Variants in PCDHGC3 observed in about 807,000 individuals in gnomAD.
The protein encoded by PCDHGC3 is protocadherin gamma subfamily C, 3.
A neutral mutation model predicts 59.2 loss-of-function variants in PCDHGC3; 26 were observed. That is an observed-to-expected ratio of 0.44 (90% CI 0.32 to 0.61). The LOEUF is 0.61. Among genes scored for constraint, PCDHGC3 ranks in the 20% least tolerant of loss-of-function variants. The pLI is 0.05. For missense variants in PCDHGC3, 1,080 were observed against 1,221.8 expected (o/e 0.88, Z 1.73); for synonymous variants, 487 against 519.7 (o/e 0.94, Z 0.86).
In PCDHGC3 at chr5:141,485,031, C is replaced by A; in HGVS notation, c.2430+6485C>A. On this transcript the variant is annotated intron_variant, in intron 1 of 3. Coordinates refer to ENST00000308177, the MANE Select transcript of PCDHGC3 (RefSeq NM_002588.4). The surrounding 1 kb of genome is among the most constrained non-coding windows in gnomAD (Gnocchi z 5.7). Reference sequence around the variant, plus strand: ...TACCCCGCCACCAGCAAAAACGGCGCGTAACCCTTGCGGCGCCGGCCGAAC... The same window carrying A: ...TACCCCGCCACCAGCAAAAACGGCGAGTAACCCTTGCGGCGCCGGCCGAAC... The A allele has an allele frequency of 1.5e-6, 1 of 680,514 alleles. No homozygotes were observed. Among genetic ancestry groups the A allele is most frequent in the South Asian group, 1.8e-5 (1 of 54,868 alleles). 42.2% of individuals were successfully genotyped at this position (680,514 alleles called of 1,614,324 possible). A position where few individuals can be genotyped will look rare whatever the true frequency, so the allele number is the denominator to read the frequency against.
Position 141,485,574 on chromosome 5 carries a change from C to T in PCDHGC3, c.2430+7028C>T. 1 of 1,612,568 alleles carries T rather than the reference C, an allele frequency of 6.2e-7. No homozygotes were observed. Among genetic ancestry groups the T allele is most frequent in the Non-Finnish European group, 8.5e-7 (1 of 1,178,752 alleles). On this transcript the variant is annotated intron_variant, in intron 1 of 3. Transcript: ENST00000308177. This position sits in a 1 kb window ranked among gnomAD's most constrained non-coding sequence, Gnocchi z 5.7. ...GTGAATGATCACGCCCCCCGTTTTCCGCGGCAGCAGCTGGACTTGGAAATT... is the reference window on the plus strand; with the variant it reads ...GTGAATGATCACGCCCCCCGTTTTCTGCGGCAGCAGCTGGACTTGGAAATT...
Position 141,485,395 on chromosome 5 carries a change from C to T in PCDHGC3, c.2430+6849C>T. On this transcript the variant is annotated intron_variant, in intron 1 of 3. Coordinates refer to ENST00000308177, the MANE Select transcript of PCDHGC3 (RefSeq NM_002588.4). The surrounding 1 kb of genome is among the most constrained non-coding windows in gnomAD (Gnocchi z 5.7). Reference sequence around the variant, plus strand: ...TCGCTGGAGAGGTGAACCAAAGACACTTCCGTGTGGATTTGGACAGCGGAG... The same window carrying T: ...TCGCTGGAGAGGTGAACCAAAGACATTTCCGTGTGGATTTGGACAGCGGAG... 5 of 1,614,154 alleles carry T rather than the reference C, an allele frequency of 3.1e-6. No homozygotes were observed. Among genetic ancestry groups the T allele is most frequent in the Non-Finnish European group, 3.4e-6 (4 of 1,180,026 alleles).
chr5:141,490,941 A>G lies in PCDHGC3; in HGVS notation c.2431-3866A>G. The G allele has an allele frequency of 6.2e-7, 1 of 1,613,628 alleles. No homozygotes were observed. The highest frequency in any genetic ancestry group is 8.5e-7 in the Non-Finnish European group (1 of 1,179,772). On this transcript the variant is annotated intron_variant, in intron 1 of 3. Coordinates refer to ENST00000308177, the MANE Select transcript of PCDHGC3 (RefSeq NM_002588.4). The surrounding 1 kb of genome is among the most constrained non-coding windows in gnomAD (Gnocchi z 5.4). ...ATAATGCCCCAGCTGTGCTGCACCC[A>G]CGGCCAGACTGGGAACACTCAGCCC... is the stretch of plus-strand genomic sequence containing the variant.
Position 141,489,427 on chromosome 5 carries a change from C to A in PCDHGC3, c.2431-5380C>A. ...AAAGATGACAGATCTGTTGAGCCGG[C>A]GGCTGCAATTGGGCTCTGAGGAGAA... On this transcript the variant is annotated intron_variant, in intron 1 of 3. Coordinates refer to ENST00000308177, the MANE Select transcript of PCDHGC3 (RefSeq NM_002588.4). This position sits in a 1 kb window ranked among gnomAD's most constrained non-coding sequence, Gnocchi z 4.5. The A allele has an allele frequency of 6.2e-7, 1 of 1,614,108 alleles. No individual in the cohort carries two copies. The highest frequency in any genetic ancestry group is 1.1e-5 in the South Asian group (1 of 91,086).
chr5:141,502,500 G>C (rs1398797155), intron 2 of PCDHGC3, among the ~76,000 whole-genome samples: 1 of 152,046 alleles, frequency 6.6e-6, no homozygotes, highest in Non-Finnish European at 1.5e-5. Flanking sequence ...ATCTAACGTC[G>C]GCCTGTCCCA....
rs1267617024 is a variant in PCDHGC3 at position 141,476,542 on chromosome 5, G to T, written c.426G>T (p.Leu142Phe). The T allele has an allele frequency of 6.2e-7, 1 of 1,614,210 alleles. No individual in the cohort carries two copies. The highest frequency in any genetic ancestry group is 1.7e-5 in the Admixed American group (1 of 60,036). The change falls in exon 1 of 4, where the codon TTG (leucine) becomes TTT (phenylalanine). Residue 142 changes from leucine (L) to phenylalanine (F), a missense_variant. Transcript: ENST00000308177. This position sits in a 1 kb window ranked among gnomAD's most constrained non-coding sequence, Gnocchi z 7.6. ...CTTTCCCTACCCAGGAAATGAAATT[G>T]GAGATTAGCGAGGCCGTGGCTCCGG... ...NPAFPTQEMK[L>F]EISEAVAPGT...
At chr5:141,496,011 T>G (rs1232125559) in intron 2 of PCDHGC3, among the ~76,000 whole-genome samples, 1 of 152,114 alleles carries the variant, frequency 6.6e-6, no homozygotes, top group African/African-American at 2.4e-5. Flanking sequence ...ATCTTGTCTT[T>G]TTTCTCTGAG....
At position 141,491,502 on chromosome 5, in the gene PCDHGC3, C is replaced by G. The variant is rs751961360; in HGVS notation, c.2431-3305C>G. 1.4e-5 allele frequency: 23 copies of G among 1,614,080 alleles called. No homozygotes were observed. Among genetic ancestry groups the G allele is most frequent in the Non-Finnish European group, 1.8e-5 (21 of 1,180,006 alleles). ...GCCCCAACCTGCAGGTGAGCTCGGA[C>G]GGCACGCTCAAGTACATGGAGGTGA... On this transcript the variant is annotated intron_variant, in intron 1 of 3. Coordinates refer to ENST00000308177, the MANE Select transcript of PCDHGC3 (RefSeq NM_002588.4). This position sits in a 1 kb window ranked among gnomAD's most constrained non-coding sequence, Gnocchi z 6.9.
chr5:141,510,798 A>G, intron 3 of PCDHGC3, 149 bp from the exon 4 acceptor site: 1 of 1,474,326 alleles, frequency 6.8e-7, no homozygotes, highest in South Asian at 1.3e-5. Context: ...GTGAAGAGAG[A>G]CTACCTTGGT....
chr5:141,478,497 C>T lies in PCDHGC3; in HGVS notation c.2381C>T (p.Pro794Leu). 6.2e-7 allele frequency: 1 copy of T among 1,612,820 alleles called. No homozygotes were observed. Among genetic ancestry groups the T allele is most frequent in the Non-Finnish European group, 8.5e-7 (1 of 1,179,388 alleles). ...CAGAACACGCTGCGGAGCTGTGATCCGGTGTTCTATAGGCAGGTGTTGGGT... is the reference window on the plus strand; with the variant it reads ...CAGAACACGCTGCGGAGCTGTGATCTGGTGTTCTATAGGCAGGTGTTGGGT... ...SRQNTLRSCD[P>L]VFYRQVLGAE... is the part of the protein sequence containing the mutation. The change falls in exon 1 of 4, where the codon CCG (proline) becomes CTG (leucine). Residue 794 changes from proline to leucine, a missense_variant. Coordinates refer to ENST00000308177, the MANE Select transcript of PCDHGC3 (RefSeq NM_002588.4).
At position 141,485,142 on chromosome 5, in the gene PCDHGC3, A is replaced by C. The variant is rs979255582; in HGVS notation, c.2430+6596A>C. 5 of 1,554,566 alleles carry C rather than the reference A, an allele frequency of 3.2e-6. No homozygotes were observed. The highest frequency in any genetic ancestry group is 3.5e-6 in the Non-Finnish European group (4 of 1,131,592). On this transcript the variant is annotated intron_variant, in intron 1 of 3. Transcript: ENST00000308177. The surrounding 1 kb of genome is among the most constrained non-coding windows in gnomAD (Gnocchi z 5.7). ...GGCGGGTCGGCTTCATCCGCGTCTC[A>C]GGAGCAAGTAGAGAATTAGCGGGCG... is the stretch of plus-strand genomic sequence containing the variant.
At chr5:141,501,298 C>CAG (rs2099807427) in intron 2 of PCDHGC3, among the ~76,000 whole-genome samples, 1 of 148,330 alleles carries the variant, frequency 6.7e-6, no homozygotes, top group Non-Finnish European at 1.5e-5. Context: ...TATACACACA[C>CAG]ACACACACAC....
Position 141,487,418 on chromosome 5 carries a change from A to T in PCDHGC3, c.2431-7389A>T. ...GGAGGGGCTTCCCCCTTCCAATGGG[A>T]TCCTCCGAATCCAGCTAGGGTCAGA... On this transcript the variant is annotated intron_variant, in intron 1 of 3. Transcript: ENST00000308177. The surrounding 1 kb of genome is among the most constrained non-coding windows in gnomAD (Gnocchi z 5.0). The T allele has an allele frequency of 6.2e-7, 1 of 1,614,060 alleles. No homozygotes were observed. The highest frequency in any genetic ancestry group is 8.5e-7 in the Non-Finnish European group (1 of 1,179,998).
chr5:141,487,812 T>A lies in PCDHGC3; in HGVS notation c.2431-6995T>A. ...TAACCAGAGTTGTCACAGTTTAGCA[T>A]TGGGGGCGGGTCATGCCTATATCTG... On this transcript the variant is annotated intron_variant, in intron 1 of 3. Coordinates refer to ENST00000308177, the MANE Select transcript of PCDHGC3 (RefSeq NM_002588.4). The surrounding 1 kb of genome is among the most constrained non-coding windows in gnomAD (Gnocchi z 5.0). 1 of 1,408,206 alleles carries A rather than the reference T, an allele frequency of 7.1e-7. No individual in the cohort carries two copies. The highest frequency in any genetic ancestry group is 9.7e-7 in the Non-Finnish European group (1 of 1,036,248). 87.2% of individuals were successfully genotyped at this position (1,408,206 alleles called of 1,614,324 possible). A position where few individuals can be genotyped will look rare whatever the true frequency, so the allele number is the denominator to read the frequency against.
At chr5:141,504,017 T>G (rs1186684262) in intron 2 of PCDHGC3, among the ~76,000 whole-genome samples, 1 of 152,150 alleles carries the variant, frequency 6.6e-6, no homozygotes, top group Non-Finnish European at 1.5e-5. Context: ...TCTCTGCTGG[T>G]CTCTTCCCAC....
rs909255357 is a variant in PCDHGC3 at position 141,489,178 on chromosome 5, C to A, written c.2431-5629C>A. 5 of 1,234,744 alleles carry A rather than the reference C, an allele frequency of 4.0e-6. No individual in the cohort carries two copies. The highest frequency in any genetic ancestry group is 2.3e-5 in the Admixed American group (1 of 42,922). The allele number at this position is 1,234,744 out of a possible 1,614,324, so 76.5% of individuals were successfully genotyped here. Reference sequence around the variant, plus strand: ...GAGACTTCAGCTGCTGCATTCCAAGCCCTGGGTCTACCTTGGAGACAGGAC... The same window carrying A: ...GAGACTTCAGCTGCTGCATTCCAAGACCTGGGTCTACCTTGGAGACAGGAC... On this transcript the variant is annotated intron_variant, in intron 1 of 3. Transcript: ENST00000308177. This position sits in a 1 kb window ranked among gnomAD's most constrained non-coding sequence, Gnocchi z 4.5.
chr5:141,504,583 A>C (rs1230825472), intron 2 of PCDHGC3, among the ~76,000 whole-genome samples: 5 of 146,622 alleles, frequency 3.4e-5, no homozygotes, highest in Non-Finnish European at 7.4e-5. Context: ...CCATCTGCCC[A>C]GGATTCACAG....
At chr5:141,502,203 C>G (rs1562205141) in intron 2 of PCDHGC3, among the ~76,000 whole-genome samples, 1 of 152,122 alleles carries the variant, frequency 6.6e-6, no homozygotes. Context: ...ATAGAATCCA[C>G]CAGCAGATTT....
At position 141,487,179 on chromosome 5, in the gene PCDHGC3, C is replaced by T. The variant is rs768886732; in HGVS notation, c.2431-7628C>T. Reference sequence around the variant, plus strand: ...CTCTTAGTGTCCTTAGAGGAAGACACTCATCCAGTTGTCCCAGATCTTCGA... The same window carrying T: ...CTCTTAGTGTCCTTAGAGGAAGACATTCATCCAGTTGTCCCAGATCTTCGA... On this transcript the variant is annotated intron_variant, in intron 1 of 3. Transcript: ENST00000308177. This position sits in a 1 kb window ranked among gnomAD's most constrained non-coding sequence, Gnocchi z 5.0. 6.2e-6 allele frequency: 10 copies of T among 1,613,474 alleles called. No individual in the cohort carries two copies. Among genetic ancestry groups the T allele is most frequent in the Non-Finnish European group, 6.8e-6 (8 of 1,179,370 alleles).
Sources: gnomAD v4.1 joint callset for allele counts (sites outside exome capture counted in the v4.1 genomes callset) on GRCh38, gnomAD v4.1.1 for gene constraint, Gnocchi (gnomAD v3.1) non-coding constraint, MANE v1.5 for transcripts, NCBI Gene and HGNC (gene_info 2026-07-23, HGNC 2026-07-21) for gene names.